The following ANKRD62 variants were observed in gnomAD, a reference collection of about 807,000 sequenced individuals.
ANKRD62 encodes ankyrin repeat domain-containing protein 62.
ANKRD62 carries 61 observed loss-of-function variants against 98.8 expected under a neutral mutation model. That is an observed-to-expected ratio of 0.62 (90% CI 0.50 to 0.76). The LOEUF (loss-of-function observed/expected upper bound fraction) is 0.76. ANKRD62 is among the 30% of genes least tolerant of loss of function. The pLI, the probability that ANKRD62 is intolerant of heterozygous loss-of-function variation, is 0.00. For synonymous variants in ANKRD62, 341 were observed against 367.9 expected, an observed-to-expected ratio of 0.93 and a Z score of 0.84; for missense variants, 933 against 1,082.9, an observed-to-expected ratio of 0.86 and a Z score of 1.94.
the ANKRD62 span, among the ~76,000 whole-genome samples, chr18:12,145,515 TG>T: frequency 6.6e-6 from 1 of 151,856 alleles, no homozygotes; most frequent in East Asian, 1.9e-4. Context: ...TGGATGTGGA[TG>T]GGGTCCCCCA....
the ANKRD62 span, among the ~76,000 whole-genome samples, chr18:12,167,292 C>G: frequency 2.2e-4 from 34 of 151,944 alleles, no homozygotes; most frequent in East Asian, 5.4e-3. Flanking sequence ...CCCATTCCCC[C>G]ACCCCGTGAC....
rs553586763 is a variant in ANKRD62, at chr18:12,125,896, A to G, written c.2075A>G (p.Gln692Arg). 1.3e-6 allele frequency: 2 copies of G among 1,542,152 alleles called. No individual in the cohort carries two copies. The highest frequency in any genetic ancestry group is 1.4e-5 in the African/African-American group (1 of 73,176). Reference sequence around the variant, plus strand: ...ACAGTGAATGAATGGTGTCATTTACAAGAAGACACTAATTCTCACATTCAG... The same window carrying G: ...ACAGTGAATGAATGGTGTCATTTACGAGAAGACACTAATTCTCACATTCAG... Reference protein sequence around the residue: ...QSTVNEWCHLQEDTNSHIQIL... With the variant: ...QSTVNEWCHLREDTNSHIQIL... Residue 692 changes from glutamine to arginine, a missense_variant, in exon 13 of 14, where the codon CAA (glutamine) becomes CGA (arginine). Coordinates refer to ENST00000587848, the MANE Select transcript of ANKRD62 (RefSeq NM_001277333.2).
chr18:12,101,538 GAGAGGGAAGT>G (rs1342533526), intron 6 of ANKRD62, among the ~76,000 whole-genome samples: 1 of 152,170 alleles, frequency 6.6e-6, no homozygotes. Context: ...CTACTGAATA[GAGAGGGAAGT>G]TTTCAAAAAC....
At chr18:12,136,757 C>T in the ANKRD62 span, among the ~76,000 whole-genome samples, 1 of 152,148 alleles carries the variant, frequency 6.6e-6, no homozygotes, top group South Asian at 2.1e-4. Flanking sequence ...TTGAAGAGGT[C>T]CTTCACATCC....
intron 7 of ANKRD62, among the ~76,000 whole-genome samples, chr18:12,104,656 A>G (rs1909375785): frequency 6.6e-6 from 1 of 152,168 alleles, no homozygotes; most frequent in African/African-American, 2.4e-5. Context: ...AGGAAGAGAC[A>G]CTCCATGATA....
chr18:12,095,034 T>A (rs1272897858), intron 1 of ANKRD62, 137 bp from the exon 2 acceptor site: 2 of 735,446 alleles, frequency 2.7e-6, no homozygotes, highest in Non-Finnish European at 4.5e-6. Context: ...AAACCTTGCC[T>A]TTCTTCACAA....
the ANKRD62 span, among the ~76,000 whole-genome samples, chr18:12,158,101 G>A: frequency 2.0e-5 from 3 of 152,224 alleles, no homozygotes; most frequent in Non-Finnish European, 2.9e-5. Context: ...ACAAGACAAG[G>A]TGTGTCCCCA....
intron 4 of ANKRD62, among the ~76,000 whole-genome samples, chr18:12,096,836 A>G (rs1909192639): frequency 6.6e-6 from 1 of 152,190 alleles, no homozygotes; most frequent in Non-Finnish European, 1.5e-5. Flanking sequence ...TGCTATTGCC[A>G]GATACTGTGG....
the ANKRD62 span, among the ~76,000 whole-genome samples, chr18:12,153,582 A>T: frequency 7.2e-6 from 1 of 138,388 alleles, no homozygotes; most frequent in Non-Finnish European, 1.5e-5. Context: ...ACAGAGCGAG[A>T]CTCTGCCTGG....
At chr18:12,154,554 A>G in the ANKRD62 span, among the ~76,000 whole-genome samples, 179 of 152,280 alleles carry the variant, frequency 1.2e-3, no homozygotes, top group Non-Finnish European at 2.2e-3. Flanking sequence ...AGAAAGCTAA[A>G]AGCAGAACTA....
Position 12,129,753 on chromosome 18 carries a change from A to T in ANKRD62, c.*1814A>T, listed in dbSNP as rs1909973217. On this transcript the variant is annotated 3_prime_UTR_variant, in exon 14 of 14. Coordinates refer to ENST00000587848, the MANE Select transcript of ANKRD62 (RefSeq NM_001277333.2). ...ACAGAGCAAGACTCTGTCTCAAAAAAAAAAAAAAAAAAAAAAAAGTAATAG... is the reference window on the plus strand; with the variant it reads ...ACAGAGCAAGACTCTGTCTCAAAAATAAAAAAAAAAAAAAAAAAGTAATAG... 2.8e-5 allele frequency: 2 copies of T among 71,652 alleles called. No individual in the cohort carries two copies. Among genetic ancestry groups the T allele is most frequent in the Non-Finnish European group, 7.8e-5 (2 of 25,500 alleles). The allele number at this position is 71,652 out of a possible 1,614,324, so 4.4% of individuals were successfully genotyped here.
chr18:12,173,224 C>T, the ANKRD62 span, among the ~76,000 whole-genome samples: 24 of 152,224 alleles, frequency 1.6e-4, no homozygotes, highest in Admixed American at 1.6e-3. Flanking sequence ...TCCTATTCAG[C>T]CATCTTGGAA....
At chr18:12,127,610 T>C (rs1403164174) in intron 13 of ANKRD62, 138 bp from the exon 14 acceptor site, 2 of 554,362 alleles carry the variant, frequency 3.6e-6, no homozygotes, top group Admixed American at 4.0e-5. Flanking sequence ...TAAACAGGAA[T>C]GTGTACACAT....
the ANKRD62 span, among the ~76,000 whole-genome samples, chr18:12,136,069 A>T: frequency 2.0e-4 from 30 of 152,090 alleles, no homozygotes; most frequent in African/African-American, 5.3e-4. Context: ...TTGTCAATTT[A>T]GGCTTTTGTT....
At position 12,093,923 on chromosome 18, in the gene ANKRD62, G is replaced by GT; in HGVS notation, c.-94dup. On this transcript the variant is annotated 5_prime_UTR_variant, in exon 1 of 14. Coordinates refer to ENST00000587848, the MANE Select transcript of ANKRD62 (RefSeq NM_001277333.2). ...GGAGGTTGCGGCTGGACCTGGTTAC[G>GT]TGCTGGTGCTGCGCTCCAGAGAGGC... is the stretch of plus-strand genomic sequence containing the variant. The GT allele has an allele frequency of 1.6e-6, 2 of 1,236,604 alleles. No homozygotes were observed. The highest frequency in any genetic ancestry group is 1.4e-5 in the South Asian group (1 of 73,808). 76.6% of individuals were successfully genotyped at this position (1,236,604 alleles called of 1,614,324 possible). A position where few individuals can be genotyped will look rare whatever the true frequency, so the allele number is the denominator to read the frequency against.
At chr18:12,139,153 A>T in the ANKRD62 span, among the ~76,000 whole-genome samples, 1 of 152,044 alleles carries the variant, frequency 6.6e-6, no homozygotes, top group Non-Finnish European at 1.5e-5. Context: ...GGTCTTTACA[A>T]TTTGGCATGT....
the ANKRD62 span, among the ~76,000 whole-genome samples, chr18:12,172,948 C>A: frequency 1.3e-5 from 2 of 152,204 alleles, no homozygotes; most frequent in Non-Finnish European, 2.9e-5. Context: ...TTTGCTAAGA[C>A]CATAGGAAAA....
At chr18:12,130,680 T>A (rs1005631711), downstream of ANKRD62, among the ~76,000 whole-genome samples, 3 of 152,064 alleles carry the variant, frequency 2.0e-5, no homozygotes, top group Non-Finnish European at 1.5e-5. Context: ...TTACTTTTTT[T>A]TTTTTTGCCT....
chr18:12,146,237 C>A, the ANKRD62 span, among the ~76,000 whole-genome samples: 1 of 152,210 alleles, frequency 6.6e-6, no homozygotes. Flanking sequence ...GGTCTCCAGC[C>A]ACTTCCACTG....
Sources: gnomAD v4.1 joint callset for allele counts (sites outside exome capture counted in the v4.1 genomes callset) on GRCh38, gnomAD v4.1.1 for gene constraint, MANE v1.5 for transcripts, NCBI Gene and HGNC (gene_info 2026-07-23, HGNC 2026-07-21) for gene names.